Variants in IGF1R observed in about 807,000 individuals in gnomAD.
The protein encoded by IGF1R is insulin-like growth factor 1 receptor.
Under a neutral mutation model 144.6 loss-of-function variants are expected in IGF1R, and 44 were observed. The observed-to-expected ratio is 0.30, with a 90% CI of 0.24 to 0.39. The LOEUF (loss-of-function observed/expected upper bound fraction) is 0.39, where lower values mean the gene tolerates loss of function less well. Ranked by LOEUF, IGF1R falls within the 10% of genes least tolerant of loss-of-function variation. The pLI, the probability that IGF1R is intolerant of heterozygous loss-of-function variation, is 1.00. For synonymous variants in IGF1R, 795 were observed against 722.8 expected (o/e 1.10, Z -1.60); for missense variants, 1,355 against 1,833.7 (o/e 0.74, Z 4.77).
At chr15:98,683,911 G>T (rs577302882) in intron 1 of IGF1R, among the ~76,000 whole-genome samples, 3 of 152,238 alleles carry the variant, frequency 2.0e-5, no homozygotes, top group African/African-American at 7.2e-5. Context: ...TATTTGAGAC[G>T]TAATGAAATG....
At chr15:98,816,744 C>T (rs1000601742) in intron 2 of IGF1R, among the ~76,000 whole-genome samples, 7 of 152,310 alleles carry the variant, frequency 4.6e-5, no homozygotes, top group Admixed American at 1.3e-4. Flanking sequence ...CCTTCCTGTC[C>T]CATGTGGTCC....
intron 2 of IGF1R, among the ~76,000 whole-genome samples, chr15:98,781,134 AAG>A (rs982052671): frequency 3.3e-5 from 5 of 152,318 alleles, no homozygotes; most frequent in South Asian, 2.1e-4. Flanking sequence ...AATAAAGAAA[AAG>A]AGATTTAAAT....
At chr15:98,726,358 C>G (rs2054360322) in intron 2 of IGF1R, among the ~76,000 whole-genome samples, 2 of 152,328 alleles carry the variant, frequency 1.3e-5, no homozygotes, top group South Asian at 4.1e-4. Flanking sequence ...GACTTAGTGG[C>G]TTGTCTTGCT....
chr15:98,929,479 T>G, intron 13 of IGF1R, 79 bp from the exon 14 acceptor site: 1 of 1,121,266 alleles, frequency 8.9e-7, no homozygotes, highest in Non-Finnish European at 1.4e-6. Flanking sequence ...TTTTTCATAC[T>G]TCCAACTGAA....
In IGF1R at chr15:98,964,203, TAAAA is replaced by T. The variant is rs967881948; in HGVS notation, c.*6767_*6770del. The T allele has an allele frequency of 8.6e-5, 20 of 231,476 alleles. No individual in the cohort carries two copies. Among genetic ancestry groups the T allele is most frequent in the African/African-American group, 2.7e-4 (12 of 45,040 alleles). The allele number at this position is 231,476 out of a possible 1,614,324, so 14.3% of individuals were successfully genotyped here. ...TAATGCATTTTCTGAGTTTTCTTGT[TAAAA>T]AAAAATTTTTTTAAGTAAGAAAAAA... On this transcript the variant is annotated 3_prime_UTR_variant, in exon 21 of 21. Transcript: ENST00000650285.
chr15:98,922,066 T>G (rs1202810750), intron 10 of IGF1R, 82 bp from the exon 11 acceptor site: 10 of 1,494,232 alleles, frequency 6.7e-6, no homozygotes, highest in Non-Finnish European at 9.3e-6. Context: ...CGGTTAAGAT[T>G]CTTCTGTTAC....
chr15:98,754,886 T>C (rs898990773), intron 2 of IGF1R, among the ~76,000 whole-genome samples: 1 of 152,206 alleles, frequency 6.6e-6, no homozygotes, highest in Non-Finnish European at 1.5e-5. Flanking sequence ...GACCTGAGGA[T>C]AGCTGCTGCA....
At chr15:98,911,256 C>G in intron 6 of IGF1R, 59 bp from the exon 7 acceptor site, 1 of 1,608,442 alleles carries the variant, frequency 6.2e-7, no homozygotes, top group South Asian at 1.1e-5. Context: ...CCAAGCAAGA[C>G]AGGTGCTTTT....
At chr15:98,726,059 C>T (rs765356928) in intron 2 of IGF1R, among the ~76,000 whole-genome samples, 7 of 152,184 alleles carry the variant, frequency 4.6e-5, no homozygotes, top group African/African-American at 1.7e-4. Flanking sequence ...GGACTGTGTT[C>T]GTGATCATGA....
intron 2 of IGF1R, among the ~76,000 whole-genome samples, chr15:98,819,044 GA>G (rs1339685311): frequency 2.0e-5 from 3 of 152,112 alleles, no homozygotes; most frequent in Non-Finnish European, 4.4e-5. Flanking sequence ...TGTAGTTTGG[GA>G]AGTGTGTGGT....
intron 2 of IGF1R, among the ~76,000 whole-genome samples, chr15:98,775,655 TG>T (rs2141380697): frequency 6.6e-6 from 1 of 152,338 alleles, no homozygotes; most frequent in Admixed American, 6.5e-5. Context: ...TCTGTGCCTG[TG>T]GCCCCTGCTG....
At chr15:98,904,752 G>C (rs2014651064) in intron 5 of IGF1R, among the ~76,000 whole-genome samples, 1 of 152,218 alleles carries the variant, frequency 6.6e-6, no homozygotes, top group Non-Finnish European at 1.5e-5. Context: ...ATTGTTTTCA[G>C]TATGTCAGCA....
At chr15:98,782,934 T>C (rs1198604399) in intron 2 of IGF1R, among the ~76,000 whole-genome samples, 2 of 152,234 alleles carry the variant, frequency 1.3e-5, no homozygotes, top group Non-Finnish European at 2.9e-5. Flanking sequence ...AAATAGAGAC[T>C]TAAAAATTAA....
In IGF1R at chr15:98,899,579, T is replaced by TA; in HGVS notation, c.1211dup (p.Asn404LysfsTer66). 1 of 1,614,098 alleles carries TA rather than the reference T, an allele frequency of 6.2e-7. No individual in the cohort carries two copies. Among genetic ancestry groups the TA allele is most frequent in the Non-Finnish European group, 8.5e-7 (1 of 1,180,006 alleles). ...CATGCCTTGGTCTCCTTGTCCTTCC[T>TA]AAAAAACCTTCGCCTCATCCTAGGA... On this transcript the variant is annotated frameshift_variant, in exon 5 of 21. Coordinates refer to ENST00000650285, the MANE Select transcript of IGF1R (RefSeq NM_000875.5). LOFTEE classifies it high-confidence loss of function.
At chr15:98,768,025 A>C (rs914377518) in intron 2 of IGF1R, among the ~76,000 whole-genome samples, 2 of 152,166 alleles carry the variant, frequency 1.3e-5, no homozygotes, top group Non-Finnish European at 2.9e-5. Context: ...GAGGTGAAGC[A>C]TAGGTGAAAT....
At chr15:98,883,648 C>G (rs1010194137) in intron 2 of IGF1R, among the ~76,000 whole-genome samples, 1 of 152,220 alleles carries the variant, frequency 6.6e-6, no homozygotes, top group Non-Finnish European at 1.5e-5. Context: ...CATGGTGGCA[C>G]ACCTGTCAGC....
At chr15:98,872,565 C>T (rs910822233) in intron 2 of IGF1R, among the ~76,000 whole-genome samples, 1 of 152,162 alleles carries the variant, frequency 6.6e-6, no homozygotes, top group African/African-American at 2.4e-5. Flanking sequence ...TAAGATCCGC[C>T]AGGAGACATA....
chr15:98,916,261 G>GTT (rs34536372), intron 9 of IGF1R, 130 bp downstream of exon 9: 45,107 of 532,228 alleles, frequency 0.085, 602 homozygotes, highest in East Asian at 0.19. Flanking sequence ...CTATCTTCTG[G>GTT]TTTTTTTTTT....
At chr15:98,850,745 T>TG (rs369684794) in intron 2 of IGF1R, among the ~76,000 whole-genome samples, 2,160 of 149,004 alleles carry the variant, frequency 0.014, 26 homozygotes, top group African/African-American at 0.039. Flanking sequence ...TGGCACTTGG[T>TG]GGGGGGGGGT....
Sources: gnomAD v4.1 joint callset for allele counts (sites outside exome capture counted in the v4.1 genomes callset) on GRCh38, gnomAD v4.1.1 for gene constraint, MANE v1.5 for transcripts, NCBI Gene and HGNC (gene_info 2026-07-23, HGNC 2026-07-21) for gene names.